PRDM11: variants seen among roughly 807,000 people sequenced by gnomAD.
PRDM11 encodes PR/SET domain 11, also known as PR domain-containing protein 11.
In PRDM11, 20 loss-of-function variants were observed where a neutral mutation model predicts 97.8. The ratio of observed to expected loss-of-function variants is 0.20; its 90% CI spans 0.14 to 0.30. The LOEUF (loss-of-function observed/expected upper bound fraction) is 0.30, where lower values mean the gene tolerates loss of function less well. Ranked by LOEUF, PRDM11 falls within the 10% of genes least tolerant of loss-of-function variation. The pLI is 1.00. For synonymous variants in PRDM11, 599 were observed against 637.7 expected (o/e 0.94, Z 0.91); for missense variants, 1,139 against 1,555.2 (o/e 0.73, Z 4.50).
At chr11:45,104,768 G>C (rs1852032824) in intron 1 of PRDM11, among the ~76,000 whole-genome samples, 1 of 152,182 alleles carries the variant, frequency 6.6e-6, no homozygotes, top group African/African-American at 2.4e-5. Flanking sequence ...GGGCACTTTA[G>C]AAAAGCAATA....
chr11:45,181,853 A>C lies in PRDM11; in HGVS notation c.87A>C (p.Ser29=). The C allele has an allele frequency of 6.2e-7, 1 of 1,613,218 alleles. No individual in the cohort carries two copies. The highest frequency in any genetic ancestry group is 8.5e-7 in the Non-Finnish European group (1 of 1,179,854). ...MVTVVKTEVC[S]PLRDQEYGQP... ...CGGTGGTGAAGACGGAGGTCTGCTCACCACTCCGAGACCAGGAGTATGGCC... is the reference window on the plus strand; with the variant it reads ...CGGTGGTGAAGACGGAGGTCTGCTCCCCACTCCGAGACCAGGAGTATGGCC... Residue 29 remains serine (S), a synonymous_variant, in exon 2 of 8, where the codon TCA becomes TCC. Coordinates refer to ENST00000683152, the MANE Select transcript of PRDM11 (RefSeq NM_001384648.1).
At chr11:45,172,515 A>C (rs754466905) in intron 1 of PRDM11, among the ~76,000 whole-genome samples, 5 of 152,136 alleles carry the variant, frequency 3.3e-5, no homozygotes, top group Non-Finnish European at 7.4e-5. Flanking sequence ...CCTATAACCC[A>C]GGAAATTCCA....
chr11:45,141,091 G>A (rs914624727), intron 1 of PRDM11, among the ~76,000 whole-genome samples: 7 of 152,206 alleles, frequency 4.6e-5, no homozygotes, highest in South Asian at 2.1e-4. Context: ...AAGCTCTACC[G>A]CTGGCTCTCA....
intron 1 of PRDM11, among the ~76,000 whole-genome samples, chr11:45,178,443 C>T (rs1310771062): frequency 6.6e-6 from 1 of 152,160 alleles, no homozygotes; most frequent in Non-Finnish European, 1.5e-5. Flanking sequence ...CATCCTACCC[C>T]CCAGTGCACC....
chr11:45,112,027 G>A (rs1852193018), intron 1 of PRDM11, among the ~76,000 whole-genome samples: 1 of 152,142 alleles, frequency 6.6e-6, no homozygotes, highest in Non-Finnish European at 1.5e-5. Flanking sequence ...AGTGATTTCT[G>A]AGATTTTAGT....
chr11:45,147,596 A>C (rs1255002149), intron 1 of PRDM11: 3 of 152,334 alleles, frequency 2.0e-5, no homozygotes, highest in Non-Finnish European at 4.4e-5. Flanking sequence ...TCTCCTATGC[A>C]GAAACTGCAG....
chr11:45,104,778 A>T (rs1790843794), intron 1 of PRDM11, among the ~76,000 whole-genome samples: 2 of 152,300 alleles, frequency 1.3e-5, no homozygotes, highest in South Asian at 4.1e-4. Flanking sequence ...GAAAAGCAAT[A>T]GGAATATCAT....
At chr11:45,152,590 AG>A (rs1222795656) in intron 1 of PRDM11, among the ~76,000 whole-genome samples, 1 of 152,224 alleles carries the variant, frequency 6.6e-6, no homozygotes, top group East Asian at 1.9e-4. Flanking sequence ...TGGTAACTAG[AG>A]CCTCAAATAC....
chr11:45,218,829 A>G (rs1233384498), intron 5 of PRDM11, among the ~76,000 whole-genome samples: 1 of 152,234 alleles, frequency 6.6e-6, no homozygotes, highest in East Asian at 1.9e-4. Context: ...TTGGTGCTTT[A>G]CATGCCCACA....
At chr11:45,216,784 T>C (rs1261286613) in intron 5 of PRDM11, among the ~76,000 whole-genome samples, 2 of 152,214 alleles carry the variant, frequency 1.3e-5, no homozygotes, top group Admixed American at 1.3e-4. Flanking sequence ...TCTTGATGGA[T>C]AGAAAAAGAC....
chr11:45,126,814 C>T (rs1210960822), intron 1 of PRDM11, among the ~76,000 whole-genome samples: 3 of 152,138 alleles, frequency 2.0e-5, no homozygotes, highest in Non-Finnish European at 4.4e-5. Context: ...AATTATGTGT[C>T]TTGGAGTTGC....
At chr11:45,129,141 T>C (rs147217791) in intron 1 of PRDM11, among the ~76,000 whole-genome samples, 9 of 152,258 alleles carry the variant, frequency 5.9e-5, no homozygotes, top group Non-Finnish European at 1.2e-4. Flanking sequence ...AAAACAGGAA[T>C]AGAAAGGAAC....
At chr11:45,113,110 C>T (rs10742737) in intron 1 of PRDM11, among the ~76,000 whole-genome samples, 125,549 of 152,194 alleles carry the variant, frequency 0.82, 52,613 homozygotes, top group Middle Eastern at 0.88. Context: ...CTTTGATCCA[C>T]CATGAATCGA....
intron 1 of PRDM11, among the ~76,000 whole-genome samples, chr11:45,153,404 T>C (rs1218671854): frequency 1.3e-5 from 2 of 152,224 alleles, no homozygotes. Flanking sequence ...CATTTTCTCA[T>C]CTGCAGAACG....
intron 5 of PRDM11, chr11:45,209,207 G>A (rs572387166): frequency 2.7e-5 from 12 of 438,430 alleles, no homozygotes; most frequent in Non-Finnish European, 4.6e-5. Context: ...CCCACGAGAG[G>A]GCCATCAAGT....
intron 1 of PRDM11, among the ~76,000 whole-genome samples, chr11:45,096,480 C>G (rs1362431432): frequency 6.6e-6 from 1 of 152,146 alleles, no homozygotes; most frequent in Admixed American, 6.5e-5. Context: ...TCCCAGAGAT[C>G]TAAGCAGGAG....
chr11:45,165,801 C>T (rs1852049298), intron 1 of PRDM11, among the ~76,000 whole-genome samples: 1 of 152,198 alleles, frequency 6.6e-6, no homozygotes, highest in East Asian at 1.9e-4. Flanking sequence ...TCTGCCGTTG[C>T]CTCTCTGCAG....
chr11:45,109,985 G>C (rs536313502), intron 1 of PRDM11, among the ~76,000 whole-genome samples: 1 of 152,316 alleles, frequency 6.6e-6, no homozygotes, highest in South Asian at 2.1e-4. Flanking sequence ...TCTGTGCCCT[G>C]TGTGACCTGC....
chr11:45,097,270 C>T (rs1565216463), intron 1 of PRDM11, among the ~76,000 whole-genome samples: 1 of 152,202 alleles, frequency 6.6e-6, no homozygotes, highest in Admixed American at 6.5e-5. Context: ...CTTCACCTGG[C>T]TGAGCCTCAA....
Sources: gnomAD v4.1 joint callset for allele counts (sites outside exome capture counted in the v4.1 genomes callset) on GRCh38, gnomAD v4.1.1 for gene constraint, MANE v1.5 for transcripts, NCBI Gene and HGNC (gene_info 2026-07-23, HGNC 2026-07-21) for gene names.